TGFBI: variants seen among roughly 807,000 people sequenced by gnomAD.
TGFBI encodes the protein transforming growth factor beta induced.
In TGFBI, 50 loss-of-function variants were observed where a neutral mutation model predicts 73.7. That is an observed-to-expected ratio of 0.68 (90% confidence interval 0.54 to 0.86). The LOEUF is 0.86. Ranked by LOEUF, TGFBI falls within the 40% of genes least tolerant of loss-of-function variation. The pLI is 0.00. For missense variants in TGFBI, 839 were observed against 877.0 expected, an observed-to-expected ratio of 0.96 and a Z score of 0.55; for synonymous variants, 362 against 360.5, an observed-to-expected ratio of 1.00 and a Z score of -0.05.
intron 6 of TGFBI, chr5:136,049,157 A>T (rs1751487178): frequency 5.6e-6 from 2 of 355,818 alleles, no homozygotes; most frequent in Non-Finnish European, 5.1e-6. Flanking sequence ...GAAGCAAAGT[A>T]AGAGGGAAGA....
chr5:136,051,227 C>T (rs2126911894), intron 7 of TGFBI, among the ~76,000 whole-genome samples: 1 of 152,212 alleles, frequency 6.6e-6, no homozygotes, highest in South Asian at 2.1e-4. Context: ...GCTGAGAGTT[C>T]AAGACCAGCC....
intron 2 of TGFBI, among the ~76,000 whole-genome samples, chr5:136,039,682 G>T (rs1751295365): frequency 6.6e-6 from 1 of 152,186 alleles, no homozygotes; most frequent in African/African-American, 2.4e-5. Flanking sequence ...CATACAGATT[G>T]CCACAAATAA....
intron 10 of TGFBI, 40 bp from the exon 11 acceptor site, chr5:136,055,640 T>G (rs1443034681): frequency 2.0e-6 from 3 of 1,531,270 alleles, no homozygotes; most frequent in Non-Finnish European, 2.7e-6. Flanking sequence ...CTCGTGGAAG[T>G]ATAACCAGTC....
chr5:136,057,573 G>A (rs371092873), intron 12 of TGFBI, among the ~76,000 whole-genome samples: 2 of 152,014 alleles, frequency 1.3e-5, no homozygotes, highest in South Asian at 2.1e-4. Flanking sequence ...CGATGGGGGC[G>A]GGGGGAGCAG....
At position 136,060,856 on chromosome 5, in the gene TGFBI, A is replaced by G. The variant is rs768531616; in HGVS notation, c.1826A>G (p.Asn609Ser). The change falls in exon 14 of 17, where the codon AAC becomes AGC. Residue 609 changes from asparagine to serine, a missense_variant. By Grantham distance (46) the Asn-to-Ser change is conservative. Coordinates refer to ENST00000442011, the MANE Select transcript of TGFBI (RefSeq NM_000358.3). ...VSLKNNVVSV[N>S]KEPVAEPDIM... ...TAGAAAAACAATGTGGTGAGTGTCA[A>G]CAAGGAGCCTGTTGCCGAGCCTGAC... 5.0e-6 allele frequency: 8 copies of G among 1,602,162 alleles called. No individual in the cohort carries two copies. Among genetic ancestry groups the G allele is most frequent in the Admixed American group, 1.7e-5 (1 of 59,926 alleles).
chr5:136,049,727 T>A, intron 7 of TGFBI, 147 bp downstream of exon 7: 2 of 913,874 alleles, frequency 2.2e-6, no homozygotes, highest in Non-Finnish European at 3.2e-6. Flanking sequence ...CATCCTGTCC[T>A]GTTGCTTCAG....
intron 1 of TGFBI, among the ~76,000 whole-genome samples, chr5:136,030,183 A>T (rs1345644964): frequency 6.6e-6 from 1 of 152,216 alleles, no homozygotes; most frequent in Non-Finnish European, 1.5e-5. Flanking sequence ...GACTCCTCAG[A>T]GGAAGCCTAA....
At chr5:136,036,834 C>T (rs1751230906) in intron 2 of TGFBI, among the ~76,000 whole-genome samples, 1 of 152,120 alleles carries the variant, frequency 6.6e-6, no homozygotes, top group African/African-American at 2.4e-5. Flanking sequence ...GAGAAGGAGG[C>T]TGGAGCAGAG....
rs1419243251 is a variant in TGFBI at position 136,049,605 on chromosome 5, C to T, written c.913+25C>T. ...GGTGAGCATCCTTTGGCTCCTGCTG[C>T]TGCCTCATTTGTGCAGCTAGATTGA... On this transcript the variant is annotated intron_variant, in intron 7 of 16. Transcript: ENST00000442011. The T allele has an allele frequency of 9.3e-6, 15 of 1,606,428 alleles. No individual in the cohort carries two copies. In the East Asian group the frequency reaches 3.4e-4, roughly 36 times the overall value.
intron 7 of TGFBI, 32 bp downstream of exon 7, chr5:136,049,612 A>G: frequency 1.2e-6 from 2 of 1,603,128 alleles, no homozygotes; most frequent in Non-Finnish European, 1.7e-6. Context: ...CTGCTGCCTC[A>G]TTTGTGCAGC....
chr5:136,062,646 CT>C lies in TGFBI; in HGVS notation c.1987-15del, dbSNP rs1454853185. ...TAACTTTCACTAGAAAACCTGACAC[CT>C]TGTGTTTTCTTTCAGGCTTCCCAGA... On this transcript the variant is annotated splice_polypyrimidine_tract_variant and intron_variant, in intron 15 of 16. Transcript: ENST00000442011. 6.4e-7 allele frequency: 1 copy of C among 1,560,174 alleles called. No individual in the cohort carries two copies. Among genetic ancestry groups the C allele is most frequent in the East Asian group, 2.4e-5 (1 of 42,168 alleles).
Position 136,047,384 on chromosome 5 carries a change from G to A in TGFBI, c.735G>A (p.Gln245=). ...VISTITNNIQ[Q]IIEIEDTFET... ...CCACCATCACCAACAACATCCAGCA[G>A]ATCATTGAGATCGAGGACACCTTTG... The change falls in exon 6 of 17, where the codon CAG becomes CAA. Residue 245 remains glutamine, a synonymous_variant. Coordinates refer to ENST00000442011, the MANE Select transcript of TGFBI (RefSeq NM_000358.3). 1 of 1,613,890 alleles carries A rather than the reference G, an allele frequency of 6.2e-7. No individual in the cohort carries two copies. Among genetic ancestry groups the A allele is most frequent in the African/African-American group, 1.3e-5 (1 of 75,008 alleles).
At chr5:136,054,170 C>G (rs1345185170) in intron 9 of TGFBI, 90 bp downstream of exon 9, 1 of 1,502,268 alleles carries the variant, frequency 6.7e-7, no homozygotes, top group Admixed American at 1.9e-5. Flanking sequence ...ATTTACAGCA[C>G]CCCATGGGAC....
At chr5:136,046,291 G>A (rs771679204) in intron 3 of TGFBI, 44 bp from the exon 4 acceptor site, 3 of 1,610,742 alleles carry the variant, frequency 1.9e-6, no homozygotes, top group Non-Finnish European at 2.5e-6. Flanking sequence ...TGGTTGGGCT[G>A]GACCCCCAGA....
intron 13 of TGFBI, among the ~76,000 whole-genome samples, chr5:136,060,341 C>T (rs1011770325): frequency 1.3e-5 from 2 of 152,224 alleles, no homozygotes; most frequent in African/African-American, 2.4e-5. Flanking sequence ...ATCCACCACA[C>T]TGAAGGTCTG....
At chr5:136,053,837 C>G (rs920496803) in intron 8 of TGFBI, 106 bp from the exon 9 acceptor site, 2 of 1,525,892 alleles carry the variant, frequency 1.3e-6, no homozygotes, top group African/African-American at 2.7e-5. Flanking sequence ...GGGTTGTTGA[C>G]TCACGAGATG....
In TGFBI at chr5:136,047,281, C is replaced by T; in HGVS notation, c.632C>T (p.Thr211Ile). The stretch of plus-strand genomic sequence containing the variant: ...TGCTGCTTCTCTGGGCAGATTGTAA[C>T]TGTGAACTGTGCCCGGCTGCTGAAA... ...QIHHYPNGIV[T>I]VNCARLLKAD... Residue 211 changes from threonine (T) to isoleucine (I), a missense_variant, in exon 6 of 17, where the codon ACT becomes ATT. Thr to Ile is a moderately conservative substitution (Grantham distance 89). Coordinates refer to ENST00000442011, the MANE Select transcript of TGFBI (RefSeq NM_000358.3). 2.5e-6 allele frequency: 4 copies of T among 1,613,820 alleles called. No individual in the cohort carries two copies. The highest frequency in any genetic ancestry group is 3.4e-6 in the Non-Finnish European group (4 of 1,179,824).
Position 136,052,069 on chromosome 5 carries a change from T to C in TGFBI, c.914-838T>C, listed in dbSNP as rs535903066. Reference sequence around the variant, plus strand: ...TCCAGGCCACCTGCTCAGCCTGGGGTTGGGGGGGGCTCCTCCTCCTTGACT... The same window carrying C: ...TCCAGGCCACCTGCTCAGCCTGGGGCTGGGGGGGGCTCCTCCTCCTTGACT... On this transcript the variant is annotated intron_variant, in intron 7 of 16. Transcript: ENST00000442011. 7.4e-4 allele frequency among the ~76,000 whole-genome samples: 113 copies of C among 151,704 alleles called. 1 individual carries two copies. The highest frequency in any genetic ancestry group is 2.7e-3 in the African/African-American group (111 of 41,130).
chr5:136,030,485 G>A (rs1751098762), intron 1 of TGFBI, among the ~76,000 whole-genome samples: 1 of 152,274 alleles, frequency 6.6e-6, no homozygotes, highest in Admixed American at 6.5e-5. Context: ...CCACCCTGCA[G>A]AGTGAAATCA....
Sources: allele counts gnomAD v4.1 joint callset (sites outside exome capture counted in the v4.1 genomes callset), GRCh38; gene constraint gnomAD v4.1.1; transcripts MANE v1.5; gene names NCBI Gene and HGNC (gene_info 2026-07-23, HGNC 2026-07-21).